Variants in PHRF1 observed in about 807,000 individuals in gnomAD.
The protein encoded by PHRF1 is PHD and ring finger domains 1.
A neutral mutation model predicts 128.9 loss-of-function variants in PHRF1; 53 were observed. The ratio of observed to expected loss-of-function variants is 0.41; its 90% CI spans 0.33 to 0.52. The LOEUF (loss-of-function observed/expected upper bound fraction) is 0.52, where lower values mean the gene tolerates loss of function less well. Ranked by LOEUF, PHRF1 falls within the 20% of genes least tolerant of loss-of-function variation. The pLI, the probability that PHRF1 is intolerant of heterozygous loss-of-function variation, is 0.21. For missense variants in PHRF1, 2,503 were observed against 2,284.5 expected, an observed-to-expected ratio of 1.10 and a Z score of -1.95; for synonymous variants, 1,178 against 980.6, an observed-to-expected ratio of 1.20 and a Z score of -3.76.
intron 3 of PHRF1, among the ~76,000 whole-genome samples, chr11:582,700 A>G (rs1854278192): frequency 6.6e-6 from 1 of 151,064 alleles, no homozygotes; most frequent in Admixed American, 6.6e-5. Flanking sequence ...AATTTTTTGT[A>G]TTTTTAGTAG....
At chr11:601,448 TG>T in intron 9 of PHRF1, 125 bp from the exon 10 acceptor site, 1 of 1,295,404 alleles carries the variant, frequency 7.7e-7, no homozygotes, top group African/African-American at 1.5e-5. Flanking sequence ...AAAAAAAAAT[TG>T]CAAGCCGGTG....
chr11:607,515 A>G lies in PHRF1; in HGVS notation c.2059A>G (p.Arg687Gly). Reference protein sequence around the residue: ...SELPRIPKIRRDDGGGRRDAA... With the variant: ...SELPRIPKIRGDDGGGRRDAA... The stretch of plus-strand genomic sequence containing the variant: ...GCTACCCAGGATACCAAAGATCAGG[A>G]GAGATGACGGTGGTGGCAGACGGGA... Residue 687 changes from arginine (R) to glycine (G), a missense_variant, in exon 14 of 18, where the codon AGA becomes GGA. Transcript: ENST00000264555. 6.2e-7 allele frequency: 1 copy of G among 1,612,758 alleles called. No homozygotes were observed. The highest frequency in any genetic ancestry group is 8.5e-7 in the Non-Finnish European group (1 of 1,179,872).
chr11:591,907 C>T (rs574069497), intron 5 of PHRF1, among the ~76,000 whole-genome samples: 6 of 150,742 alleles, frequency 4.0e-5, no homozygotes, highest in African/African-American at 1.2e-4. Flanking sequence ...CTACCACACC[C>T]GGCTGTTTTT....
chr11:589,826 C>T (rs563528870), intron 4 of PHRF1, among the ~76,000 whole-genome samples: 2 of 150,886 alleles, frequency 1.3e-5, no homozygotes, highest in African/African-American at 4.9e-5. Flanking sequence ...GTGCGGGGCT[C>T]AGCCTGAGAG....
intron 6 of PHRF1, among the ~76,000 whole-genome samples, chr11:595,168 A>T (rs11246204): frequency 0.93 from 141,965 of 152,192 alleles, 66,265 homozygotes; most frequent in Middle Eastern, 0.97. Context: ...ACTAAAAATA[A>T]AAAAATTGGC....
chr11:583,475 C>T (rs1360127776), intron 3 of PHRF1, among the ~76,000 whole-genome samples: 1 of 152,170 alleles, frequency 6.6e-6, no homozygotes, highest in Non-Finnish European at 1.5e-5. Flanking sequence ...TGAGATCACG[C>T]CACCACACTC....
chr11:578,215 C>G (rs1853999504), intron 1 of PHRF1, among the ~76,000 whole-genome samples: 1 of 152,202 alleles, frequency 6.6e-6, no homozygotes, highest in South Asian at 2.1e-4. Context: ...GGTGCTTGTG[C>G]CAGAGGGTAC....
chr11:598,086 C>T (rs1855401182), intron 8 of PHRF1, among the ~76,000 whole-genome samples: 1 of 152,188 alleles, frequency 6.6e-6, no homozygotes, highest in African/African-American at 2.4e-5. Context: ...CTGTCCCTGT[C>T]CAGTGCCCTG....
At position 611,061 on chromosome 11, in the gene PHRF1, C is replaced by A; in HGVS notation, c.4785C>A (p.Ile1595=). The A allele has an allele frequency of 1.9e-6, 3 of 1,613,140 alleles. No homozygotes were observed. The highest frequency in any genetic ancestry group is 1.3e-5 in the African/African-American group (1 of 75,036). ...REVTKEEYKD[I]LRKAVQKICH... ...TGACCAAGGAGGAGTACAAGGACAT[C>A]CTGCGCAAGGCCGTGCAGAAGGTGG... The change falls in exon 17 of 18, where the codon ATC becomes ATA. Residue 1595 remains isoleucine, a synonymous_variant. Transcript: ENST00000264555.
At chr11:589,765 C>T (rs1013593886) in intron 4 of PHRF1, among the ~76,000 whole-genome samples, 21 of 151,824 alleles carry the variant, frequency 1.4e-4, no homozygotes, top group Admixed American at 9.8e-4. Flanking sequence ...CAAACGGGCA[C>T]GGAGCATGTC....
chr11:601,748 C>G, intron 10 of PHRF1, 47 bp downstream of exon 10: 2 of 1,610,012 alleles, frequency 1.2e-6, no homozygotes, highest in Non-Finnish European at 1.7e-6. Context: ...GCCACAGCAC[C>G]CTCGCGTGGT....
At position 608,640 on chromosome 11, in the gene PHRF1, C is replaced by G. The variant is rs757639708; in HGVS notation, c.3184C>G (p.Arg1062Gly). 3.7e-6 allele frequency: 6 copies of G among 1,612,358 alleles called. No homozygotes were observed. The highest frequency in any genetic ancestry group is 5.1e-6 in the Non-Finnish European group (6 of 1,179,790). The change falls in exon 14 of 18, where the codon CGA becomes GGA. Residue 1062 changes from arginine (R) to glycine (G), a missense_variant. Coordinates refer to ENST00000264555, the MANE Select transcript of PHRF1 (RefSeq NM_001286581.2). Reference protein sequence around the residue: ...RRSSSDRSSSRERAKRKKAKD... With the variant: ...RRSSSDRSSSGERAKRKKAKD... The stretch of plus-strand genomic sequence containing the variant: ...GTCCTCCAGTGACCGCTCCAGCAGC[C>G]GAGAGCGAGCTAAGAGGAAGAAAGC...
intron 6 of PHRF1, among the ~76,000 whole-genome samples, chr11:593,561 A>G (rs917064465): frequency 6.6e-6 from 1 of 152,212 alleles, no homozygotes; most frequent in Non-Finnish European, 1.5e-5. Flanking sequence ...CCTCGTTGTT[A>G]GCCACATACC....
chr11:601,771 C>T (rs1036143279), intron 10 of PHRF1, 70 bp downstream of exon 10: 2 of 1,586,736 alleles, frequency 1.3e-6, no homozygotes, highest in African/African-American at 1.4e-5. Context: ...CGGAGCAGGG[C>T]CTAAGCCTCC....
At position 597,286 on chromosome 11, in the gene PHRF1, A is replaced by T; in HGVS notation, c.719-109A>T. Reference sequence around the variant, plus strand: ...ATGAGCAGCCCTGGGTCCTGTGCACAGGTCAGCCCGAGCCAGGGCTGCTAC... The same window carrying T: ...ATGAGCAGCCCTGGGTCCTGTGCACTGGTCAGCCCGAGCCAGGGCTGCTAC... On this transcript the variant is annotated intron_variant, in intron 7 of 17. Transcript: ENST00000264555. The surrounding 1 kb of genome is among the most constrained non-coding windows in gnomAD (Gnocchi z 6.5). 7.3e-7 allele frequency: 1 copy of T among 1,370,876 alleles called. No individual in the cohort carries two copies. The highest frequency in any genetic ancestry group is 9.9e-7 in the Non-Finnish European group (1 of 1,010,654). 84.9% of individuals were successfully genotyped at this position (1,370,876 alleles called of 1,614,324 possible). A position where few individuals can be genotyped will look rare whatever the true frequency, so the allele number is the denominator to read the frequency against.
intron 4 of PHRF1, among the ~76,000 whole-genome samples, chr11:589,203 G>A (rs972677510): frequency 6.6e-6 from 1 of 151,970 alleles, no homozygotes; most frequent in Admixed American, 6.6e-5. Context: ...TATTGGATAC[G>A]AGGTTAATAA....
In PHRF1 at chr11:592,214, C is replaced by CTT. The variant is rs752462346; in HGVS notation, c.505-328_505-327dup. ...ACAGGCGTGAGCCAACGTGCCCAGC[C>CTT]TTTTTTTTTTTTTTTTTTAAGAGGC... is the stretch of plus-strand genomic sequence containing the variant. On this transcript the variant is annotated intron_variant, in intron 5 of 17. Coordinates refer to ENST00000264555, the MANE Select transcript of PHRF1 (RefSeq NM_001286581.2). Among the ~76,000 whole-genome samples, 160 of 138,656 alleles carry CTT rather than the reference C, an allele frequency of 1.2e-3. 1 individual carries two copies. The highest frequency in any genetic ancestry group is 1.8e-3 in the Non-Finnish European group (114 of 63,168). 91.0% of individuals were successfully genotyped at this position (138,656 alleles called of 152,430 possible).
intron 12 of PHRF1, 143 bp from the exon 13 acceptor site, chr11:606,299 G>GC (rs1855933591): frequency 3.5e-6 from 4 of 1,131,506 alleles, no homozygotes; most frequent in Non-Finnish European, 4.8e-6. Flanking sequence ...TAGAACAGCA[G>GC]CCGGAGCCAG....
chr11:599,824 G>A (rs1018213167), intron 9 of PHRF1, among the ~76,000 whole-genome samples: 5 of 151,338 alleles, frequency 3.3e-5, no homozygotes, highest in South Asian at 2.1e-4. Flanking sequence ...CTGGGGCTCC[G>A]GGGGTCTCGG....
Sources: gnomAD v4.1 joint callset for allele counts (sites outside exome capture counted in the v4.1 genomes callset) on GRCh38, gnomAD v4.1.1 for gene constraint, Gnocchi (gnomAD v3.1) non-coding constraint, MANE v1.5 for transcripts, NCBI Gene and HGNC (gene_info 2026-07-23, HGNC 2026-07-21) for gene names.